PGK1: variants seen among roughly 807,000 people sequenced by gnomAD.
PGK1 encodes phosphoglycerate kinase 1.
In PGK1, 3 loss-of-function variants were observed where a neutral mutation model predicts 26.9. That is an observed-to-expected ratio of 0.11 (90% CI 0.05 to 0.29). PGK1 has a LOEUF of 0.29. Ranked by LOEUF, PGK1 falls within the 10% of genes least tolerant of loss-of-function variation. The probability of loss-of-function intolerance (pLI) is 1.00; values close to 1 mark genes in which losing one functional copy is unlikely to be tolerated. For synonymous variants in PGK1, 125 were observed against 115.3 expected, an observed-to-expected ratio of 1.08 and a Z score of -0.54; for missense variants, 270 against 314.7, an observed-to-expected ratio of 0.86 and a Z score of 1.07.
At chrX:78,114,591 AAAACTT>A (rs2149132515) in intron 4 of PGK1, among the ~76,000 whole-genome samples, 1 of 111,279 alleles carries the variant, frequency 9.0e-6, no homozygotes, top group South Asian at 3.8e-4. Flanking sequence ...CAAAAAAAAA[AAAACTT>A]AAGTTTCTGA....
At chrX:78,117,021 G>A (rs1176831306) in intron 4 of PGK1, among the ~76,000 whole-genome samples, 1 of 111,814 alleles carries the variant, frequency 8.9e-6, no homozygotes, top group Non-Finnish European at 1.9e-5. Flanking sequence ...CTGAAGGCTG[G>A]GGAGAGGCTA....
rs2078378274 is a variant in PGK1 at position 78,125,445 on chromosome X, T to A, written c.1213+20T>A. 5 of 1,067,500 alleles carry A rather than the reference T, an allele frequency of 4.7e-6. No individual in the cohort carries two copies. In the African/African-American group the frequency reaches 7.4e-5, roughly 16 times the overall value. 88.0% of individuals were successfully genotyped at this position (1,067,500 alleles called of 1,213,427 possible). A position where few individuals can be genotyped will look rare whatever the true frequency, so the allele number is the denominator to read the frequency against. ...TGGAAGGTGAGGGTCTTCTGTTTTT[T>A]GGCTTGTTTGGGATAAGGGTGGACT... On this transcript the variant is annotated intron_variant, in intron 10 of 10. Coordinates refer to ENST00000373316, the MANE Select transcript of PGK1 (RefSeq NM_000291.4).
intron 2 of PGK1, among the ~76,000 whole-genome samples, chrX:78,111,391 T>G (rs1420655269): frequency 1.8e-5 from 2 of 112,566 alleles, no homozygotes; most frequent in African/African-American, 6.5e-5. Flanking sequence ...ATTTTAAATT[T>G]TAAATGAAGG....
At chrX:78,120,474 TATCTAG>T (rs1341759724) in intron 6 of PGK1, among the ~76,000 whole-genome samples, 16 of 110,567 alleles carry the variant, frequency 1.4e-4, no homozygotes, top group African/African-American at 4.6e-4. Flanking sequence ...CATATCTATA[TATCTAG>T]ATCTAGATCT....
At position 78,122,850 on chromosome X, in the gene PGK1, C is replaced by T; in HGVS notation, c.657C>T (p.Asp219=). 1 of 1,182,543 alleles carries T rather than the reference C, an allele frequency of 8.5e-7. No individual in the cohort carries two copies. Among genetic ancestry groups the T allele is most frequent in the Non-Finnish European group, 1.1e-6 (1 of 870,198 alleles). The change falls in exon 7 of 11, where the codon GAC becomes GAT. Residue 219 remains aspartate, a synonymous_variant. Coordinates refer to ENST00000373316, the MANE Select transcript of PGK1 (RefSeq NM_000291.4). ...LAILGGAKVA[D]KIQLINNMLD... is the part of the protein sequence containing the mutation. Reference sequence around the variant, plus strand: ...TCTCTTGTAGAGCTAAAGTTGCAGACAAGATCCAGCTCATCAATAATATGC... The same window carrying T: ...TCTCTTGTAGAGCTAAAGTTGCAGATAAGATCCAGCTCATCAATAATATGC...
Position 78,125,044 on chromosome X carries a change from C to T in PGK1, c.1107C>T (p.Thr369=). 8.3e-7 allele frequency: 1 copy of T among 1,205,595 alleles called. No homozygotes were observed. Among genetic ancestry groups the T allele is most frequent in the Non-Finnish European group, 1.1e-6 (1 of 890,034 alleles). Residue 369 remains threonine, a synonymous_variant, in exon 9 of 11, where the codon ACC becomes ACT. Coordinates refer to ENST00000373316, the MANE Select transcript of PGK1 (RefSeq NM_000291.4). Reference sequence around the variant, plus strand: ...AAGCCACTTCTAGGGGCTGCATCACCATCATAGGTAAGCGGTCCTATACAA... The same window carrying T: ...AAGCCACTTCTAGGGGCTGCATCACTATCATAGGTAAGCGGTCCTATACAA... ...VVKATSRGCI[T]IIGGGDTATC...
rs782280263 is a variant in PGK1, at chrX:78,126,013, T to G, written c.*183T>G. The G allele has an allele frequency of 5.8e-4, 284 of 493,017 alleles. 1 individual carries two copies. Among genetic ancestry groups the G allele is most frequent in the Middle Eastern group, 3.5e-3 (6 of 1,724 alleles). 40.6% of individuals were successfully genotyped at this position (493,017 alleles called of 1,213,427 possible). A position where few individuals can be genotyped will look rare whatever the true frequency, so the allele number is the denominator to read the frequency against. ...GCTCATCTTCACTGCACCCTGGATTTGCATACATTCTTCAAGATCCCATTT... is the reference window on the plus strand; with the variant it reads ...GCTCATCTTCACTGCACCCTGGATTGGCATACATTCTTCAAGATCCCATTT... On this transcript the variant is annotated 3_prime_UTR_variant, in exon 11 of 11. Coordinates refer to ENST00000373316, the MANE Select transcript of PGK1 (RefSeq NM_000291.4).
intron 1 of PGK1, among the ~76,000 whole-genome samples, chrX:78,109,123 A>G (rs1329275106): frequency 9.0e-6 from 1 of 110,904 alleles, no homozygotes; most frequent in Admixed American, 9.6e-5. Context: ...GCAGTACATT[A>G]TTTTCTTGTG....
intron 2 of PGK1, among the ~76,000 whole-genome samples, chrX:78,112,284 GT>G (rs1557246949): frequency 8.9e-6 from 1 of 112,155 alleles, no homozygotes; most frequent in Non-Finnish European, 1.9e-5. Context: ...AGAACAGAGA[GT>G]TTTTAAAAAA....
rs200132648 is a variant in PGK1, at chrX:78,113,797, C to T, written c.170C>T (p.Ser57Leu). 25 of 1,205,664 alleles carry T rather than the reference C, an allele frequency of 2.1e-5. No individual in the cohort carries two copies. The highest frequency in any genetic ancestry group is 5.3e-5 in the South Asian group (3 of 56,694). ...IKFCLDNGAK[S>L]VVLMSHLGRP... is the part of the protein sequence containing the mutation. ...TTCTGCTTGGACAATGGAGCCAAGT[C>T]GGTAGTCCTTATGAGCCACCTAGGC... The change falls in exon 3 of 11, where the codon TCG (serine) becomes TTG (leucine). Residue 57 changes from serine (S) to leucine (L), a missense_variant. Ser to Leu is a moderately radical substitution (Grantham distance 145, BLOSUM62 -2). Coordinates refer to ENST00000373316, the MANE Select transcript of PGK1 (RefSeq NM_000291.4).
chrX:78,125,487 G>A, intron 10 of PGK1, 62 bp downstream of exon 10: 1 of 742,999 alleles, frequency 1.3e-6, no homozygotes, highest in South Asian at 2.1e-5. Context: ...TGAGAGGTGG[G>A]TAGAATGGAG....
chrX:78,107,016 G>A (rs963856364), intron 1 of PGK1, among the ~76,000 whole-genome samples: 9 of 111,530 alleles, frequency 8.1e-5, no homozygotes, highest in African/African-American at 2.9e-4. Flanking sequence ...ATCTGGGGCA[G>A]TGAAGCATTG....
At chrX:78,113,446 C>G (rs782346169) in intron 2 of PGK1, among the ~76,000 whole-genome samples, 1 of 112,103 alleles carries the variant, frequency 8.9e-6, no homozygotes, top group South Asian at 3.7e-4. Context: ...GCCAAGTTCC[C>G]AGATACCAGC....
intron 6 of PGK1, among the ~76,000 whole-genome samples, chrX:78,120,293 GTTTCT>G (rs2078347605): frequency 9.1e-6 from 1 of 109,965 alleles, no homozygotes; most frequent in Non-Finnish European, 1.9e-5. Flanking sequence ...TGCTAATCTT[GTTTCT>G]TTTATGTCCT....
chrX:78,104,446 C>T, intron 1 of PGK1, 41 bp downstream of exon 1: 1 of 1,028,409 alleles, frequency 9.7e-7, no homozygotes, highest in Non-Finnish European at 1.4e-6. Flanking sequence ...TGTGCTCTGT[C>T]GCAAACCTCT....
chrX:78,113,520 C>T (rs1271900770), intron 2 of PGK1, among the ~76,000 whole-genome samples: 1 of 111,417 alleles, frequency 9.0e-6, no homozygotes, highest in African/African-American at 3.3e-5. Context: ...TGTGTTAACT[C>T]TTGTCTGTGA....
At chrX:78,105,902 G>T (rs1488499501) in intron 1 of PGK1, among the ~76,000 whole-genome samples, 1 of 111,762 alleles carries the variant, frequency 8.9e-6, no homozygotes, top group Non-Finnish European at 1.9e-5. Context: ...TAAAAAACAG[G>T]ACAGGTGGAC....
intron 6 of PGK1, among the ~76,000 whole-genome samples, chrX:78,119,196 C>T (rs1376668623): frequency 1.8e-5 from 2 of 110,931 alleles, no homozygotes; most frequent in Admixed American, 1.9e-4. Context: ...CTATGAAAAC[C>T]TCTTCATATG....
Position 78,125,421 on chromosome X carries a change from G to A in PGK1, c.1209G>A (p.Leu403=). 1 of 1,168,837 alleles carries A rather than the reference G, an allele frequency of 8.6e-7. No individual in the cohort carries two copies. The highest frequency in any genetic ancestry group is 1.2e-6 in the Non-Finnish European group (1 of 856,554). ...GGGGTGGTGCCAGTTTGGAGCTCCT[G>A]GAAGGTGAGGGTCTTCTGTTTTTTG... The part of the protein sequence containing the change: ...STGGGASLEL[L]EGKVLPGVDA... The change falls in exon 10 of 11, where the codon CTG becomes CTA. Residue 403 remains leucine (L), a synonymous_variant. Coordinates refer to ENST00000373316, the MANE Select transcript of PGK1 (RefSeq NM_000291.4).
Sources: allele counts gnomAD v4.1 joint callset (sites outside exome capture counted in the v4.1 genomes callset), GRCh38; gene constraint gnomAD v4.1.1; transcripts MANE v1.5; gene names NCBI Gene and HGNC (gene_info 2026-07-23, HGNC 2026-07-21).